Variants in NXNL2 observed in about 807,000 individuals in gnomAD.
NXNL2 encodes the protein nucleoredoxin like 2.
In NXNL2, 7 loss-of-function variants were observed where a neutral mutation model predicts 11.1. That is an observed-to-expected ratio of 0.63 (90% CI 0.36 to 1.18). The LOEUF (loss-of-function observed/expected upper bound fraction) is 1.18. NXNL2 is among the 50% of genes most tolerant of loss of function. The pLI, the probability that NXNL2 is intolerant of heterozygous loss-of-function variation, is 0.02. For missense variants in NXNL2, 233 were observed against 217.7 expected, an observed-to-expected ratio of 1.07 and a Z score of -0.44; for synonymous variants, 109 against 101.8, an observed-to-expected ratio of 1.07 and a Z score of -0.42.
At chr9:88,559,592 T>G (rs1406938402) in intron 1 of NXNL2, among the ~76,000 whole-genome samples, 1 of 152,162 alleles carries the variant, frequency 6.6e-6, no homozygotes, top group African/African-American at 2.4e-5. Flanking sequence ...TTCAAGGGCC[T>G]AGGTGGCCAG....
chr9:88,544,735 C>T lies in NXNL2; in HGVS notation c.*188C>T, dbSNP rs1829825328. The T allele has an allele frequency of 1.5e-6, 2 of 1,369,678 alleles. No homozygotes were observed. The highest frequency in any genetic ancestry group is 1.9e-6 in the Non-Finnish European group (2 of 1,066,900). 84.8% of individuals were successfully genotyped at this position (1,369,678 alleles called of 1,614,324 possible). On this transcript the variant is annotated 3_prime_UTR_variant, in exon 2 of 2. Coordinates refer to ENST00000375854, the MANE Select transcript of NXNL2 (RefSeq NM_001161625.2). ...TAATACACTCCATATTTTGATCATG[C>T]AGGCTGTTTGTATTATAGTTATTTT...
At chr9:88,559,013 G>A (rs1479100416) in intron 1 of NXNL2, among the ~76,000 whole-genome samples, 4 of 152,072 alleles carry the variant, frequency 2.6e-5, no homozygotes, top group Non-Finnish European at 5.9e-5. Context: ...TCTCCATGCT[G>A]AGCAAATAGA....
chr9:88,558,408 C>T (rs564146102), intron 1 of NXNL2, among the ~76,000 whole-genome samples: 1 of 152,306 alleles, frequency 6.6e-6, no homozygotes, highest in South Asian at 2.1e-4. Flanking sequence ...TCTTCATCCT[C>T]AGACATCCTT....
intron 2 of NXNL2, among the ~76,000 whole-genome samples, chr9:88,571,411 G>A (rs1254045177): frequency 1.3e-5 from 2 of 152,166 alleles, no homozygotes; most frequent in Non-Finnish European, 2.9e-5. Flanking sequence ...GGAGCTATAG[G>A]TGCTTTGGAA....
At chr9:88,561,517 T>C (rs1024645641) in intron 1 of NXNL2, among the ~76,000 whole-genome samples, 1 of 152,202 alleles carries the variant, frequency 6.6e-6, no homozygotes, top group African/African-American at 2.4e-5. Context: ...TAATTAGTTC[T>C]GTCCCTCTAG....
At chr9:88,540,869 G>T (rs1041783281) in intron 1 of NXNL2, among the ~76,000 whole-genome samples, 2 of 150,082 alleles carry the variant, frequency 1.3e-5, no homozygotes, top group Non-Finnish European at 2.9e-5. Flanking sequence ...CCTGTGTAAT[G>T]ACCAGGTTGG....
downstream of NXNL2, among the ~76,000 whole-genome samples, chr9:88,545,163 C>G (rs1829830763): frequency 6.6e-6 from 1 of 152,090 alleles, no homozygotes; most frequent in Non-Finnish European, 1.5e-5. Context: ...ATTACAATAT[C>G]CTAGAAAGCA....
intron 2 of NXNL2, among the ~76,000 whole-genome samples, chr9:88,572,384 G>A (rs1053799341): frequency 6.6e-6 from 1 of 152,130 alleles, no homozygotes; most frequent in Non-Finnish European, 1.5e-5. Flanking sequence ...TAGGAAACGG[G>A]CCTGAAATGG....
intron 2 of NXNL2, among the ~76,000 whole-genome samples, chr9:88,572,161 C>A (rs1460859788): frequency 6.7e-6 from 1 of 149,236 alleles, no homozygotes; most frequent in Admixed American, 6.7e-5. Flanking sequence ...GTTATAATAG[C>A]ACTAGAACCT....
chr9:88,564,686 G>A (rs1830142049), intron 1 of NXNL2, among the ~76,000 whole-genome samples: 1 of 152,210 alleles, frequency 6.6e-6, no homozygotes, highest in African/African-American at 2.4e-5. Context: ...AAAGTGCTGG[G>A]ATTACAGGCG....
chr9:88,543,885 C>G (rs1218158992), intron 1 of NXNL2, among the ~76,000 whole-genome samples: 1 of 152,058 alleles, frequency 6.6e-6, no homozygotes, highest in Non-Finnish European at 1.5e-5. Flanking sequence ...ATGGTAGCAC[C>G]AAGGCTGGGC....
chr9:88,535,875 C>T (rs1401256873), intron 1 of NXNL2, 139 bp downstream of exon 1: 1 of 680,334 alleles, frequency 1.5e-6, no homozygotes, highest in South Asian at 1.9e-5. Flanking sequence ...CGTCCGGACT[C>T]CGGTAAATCA....
rs552722704 is a variant in NXNL2 at position 88,559,659 on chromosome 9, T to G, written c.303-11428T>G. Among the ~76,000 whole-genome samples the G allele has an allele frequency of 2.0e-5, 3 of 152,342 alleles. No homozygotes were observed. The South Asian group carries it at 6.2e-4, about 32-fold the overall frequency. On this transcript the variant is annotated intron_variant, in intron 1 of 2. Coordinates refer to the NXNL2 transcript ENST00000375855. ...AGCACAGAATCCCCACTCCATGCAC[T>G]GCCTGTGGTCAGAGCTTCATTCTAC...
At chr9:88,560,419 A>G (rs1482965622) in intron 1 of NXNL2, among the ~76,000 whole-genome samples, 1 of 152,036 alleles carries the variant, frequency 6.6e-6, no homozygotes, top group African/African-American at 2.4e-5. Context: ...TTGCCGGGGC[A>G]TCTCTGGAAT....
chr9:88,583,014 G>A (rs968539990), intron 1 of NXNL2, among the ~76,000 whole-genome samples: 17 of 152,170 alleles, frequency 1.1e-4, no homozygotes, highest in African/African-American at 3.1e-4. Flanking sequence ...AGTTGGTTGG[G>A]CATTTCTTCT....
intron 1 of NXNL2, among the ~76,000 whole-genome samples, chr9:88,558,314 C>T (rs747500199): frequency 2.0e-5 from 3 of 152,252 alleles, no homozygotes; most frequent in African/African-American, 4.8e-5. Flanking sequence ...TAGCTGAACA[C>T]GTAGAGATTC....
downstream of NXNL2, among the ~76,000 whole-genome samples, chr9:88,579,082 C>T (rs147362522): frequency 6.6e-5 from 10 of 152,276 alleles, no homozygotes; most frequent in Non-Finnish European, 1.5e-4. Context: ...TATGGGGGCA[C>T]GCTGGCCAAT....
intron 1 of NXNL2, among the ~76,000 whole-genome samples, chr9:88,565,465 T>A (rs1424427332): frequency 3.3e-5 from 5 of 152,234 alleles, no homozygotes; most frequent in Non-Finnish European, 1.5e-5. Flanking sequence ...CTGCATCATT[T>A]TGCATTGCCA....
intron 1 of NXNL2, among the ~76,000 whole-genome samples, chr9:88,540,181 A>C (rs1332977685): frequency 2.6e-5 from 4 of 151,950 alleles, no homozygotes; most frequent in Non-Finnish European, 5.9e-5. Flanking sequence ...AAATACAAAA[A>C]ATTAGCCAGG....
Sources: allele counts gnomAD v4.1 joint callset (sites outside exome capture counted in the v4.1 genomes callset), GRCh38; gene constraint gnomAD v4.1.1; transcripts MANE v1.5; gene names NCBI Gene and HGNC (gene_info 2026-07-23, HGNC 2026-07-21).